The following BDP1 variants were observed in gnomAD, a reference collection of about 807,000 sequenced individuals.
BDP1 encodes the protein transcription factor TFIIIB component B'' homolog.
BDP1 carries 169 observed loss-of-function variants against 266.6 expected under a neutral mutation model. The observed-to-expected ratio is 0.63, with a 90% confidence interval of 0.56 to 0.72. The LOEUF (loss-of-function observed/expected upper bound fraction) is 0.72. Ranked by LOEUF, BDP1 falls within the 30% of genes least tolerant of loss-of-function variation. BDP1 has a pLI of 0.00. For missense variants in BDP1, 3,015 were observed against 3,053.8 expected (o/e 0.99, Z 0.30); for synonymous variants, 1,090 against 1,022.4 (o/e 1.07, Z -1.26).
intron 7 of BDP1, among the ~76,000 whole-genome samples, chr5:71,473,161 AG>A (rs1420949168): frequency 6.6e-6 from 1 of 150,870 alleles, no homozygotes; most frequent in Non-Finnish European, 1.5e-5. Context: ...CTGGAATGAC[AG>A]GTGTGAGCCA....
rs1239784379 is a variant in BDP1 at position 71,509,533 on chromosome 5, C to G, written c.2441C>G (p.Pro814Arg). The G allele has an allele frequency of 1.2e-6, 2 of 1,609,778 alleles. No individual in the cohort carries two copies. The highest frequency in any genetic ancestry group is 2.2e-5 in the South Asian group (2 of 90,072). ...VPILRTRFQK[P>R]KPNIGRGTGR... Reference sequence around the variant, plus strand: ...ATTCTAAGGACTCGATTTCAGAAACCAAAGCCAAATATAGGAAGAGGAACT... The same window carrying G: ...ATTCTAAGGACTCGATTTCAGAAACGAAAGCCAAATATAGGAAGAGGAACT... Residue 814 changes from proline (P) to arginine (R), a missense_variant, in exon 17 of 39, where the codon CCA becomes CGA. Pro to Arg is a moderately radical substitution (Grantham distance 103). Around this residue, in one of 3 missense-constraint regions of BDP1, gnomAD observed 2,383 missense variants for 2,404.9 expected, o/e 0.99. Coordinates refer to ENST00000358731, the MANE Select transcript of BDP1 (RefSeq NM_018429.3).
intron 13 of BDP1, 36 bp downstream of exon 13, chr5:71,497,462 T>C: frequency 2.6e-6 from 4 of 1,538,454 alleles, no homozygotes; most frequent in Non-Finnish European, 3.5e-6. Context: ...ATTAAAATTA[T>C]AAAAATTTTC....
At chr5:71,577,980 C>T in the BDP1 span, among the ~76,000 whole-genome samples, 2 of 152,164 alleles carry the variant, frequency 1.3e-5, no homozygotes, top group South Asian at 4.1e-4. Context: ...CTGGAGGCTA[C>T]ATGATCAAAC....
chr5:71,507,915 T>C (rs1002722792), intron 16 of BDP1, among the ~76,000 whole-genome samples: 1 of 152,214 alleles, frequency 6.6e-6, no homozygotes, highest in African/African-American at 2.4e-5. Context: ...TGAGGAAGGA[T>C]AGTATAGGAC....
Position 71,566,505 on chromosome 5 carries a change from C to A in BDP1, c.*1620C>A, listed in dbSNP as rs1401344202. On this transcript the variant is annotated 3_prime_UTR_variant, in exon 39 of 39. Transcript: ENST00000358731. ...TAGACTTCTCAAACAGCAAATTTAT[C>A]CTGATTTTATTTGAAAAGCCTCTTG... The A allele has an allele frequency of 6.6e-6, 1 of 152,072 alleles. No individual in the cohort carries two copies. Among genetic ancestry groups the A allele is most frequent in the Non-Finnish European group, 1.5e-5 (1 of 68,026 alleles). 9.4% of individuals were successfully genotyped at this position (152,072 alleles called of 1,614,324 possible).
rs1032246103 is a variant in BDP1 at position 71,509,948 on chromosome 5, A to T, written c.2856A>T (p.Glu952Asp). The T allele has an allele frequency of 1.2e-6, 2 of 1,613,936 alleles. No homozygotes were observed. The highest frequency in any genetic ancestry group is 4.5e-5 in the East Asian group (2 of 44,874). The change falls in exon 17 of 39, where the codon GAA becomes GAT. Residue 952 changes from glutamate to aspartate, a missense_variant. By Grantham distance (45) the Glu-to-Asp change is conservative (BLOSUM62 2). This residue lies in a region of BDP1 where 2,383 missense variants were observed against 2,404.9 expected (regional missense o/e 0.99). Coordinates refer to ENST00000358731, the MANE Select transcript of BDP1 (RefSeq NM_018429.3). ...NGPEEVKPLG[E>D]VETDLKATGN... ...CAGAGGAGGTTAAGCCTCTAGGTGA[A>T]GTGGAGACAGATTTGAAAGCAACTG...
chr5:71,487,870 A>G (rs1580051244), intron 9 of BDP1, among the ~76,000 whole-genome samples: 1 of 152,244 alleles, frequency 6.6e-6, no homozygotes, highest in African/African-American at 2.4e-5. Context: ...ATTCTGAGAC[A>G]TGGCCCAAGG....
At chr5:71,523,795 TCACAG>T in intron 24 of BDP1, 139 bp from the exon 25 acceptor site, 1 of 777,388 alleles carries the variant, frequency 1.3e-6, no homozygotes, top group Non-Finnish European at 2.0e-6. Context: ...TTTTTTATTT[TCACAG>T]CATAAGATTT....
rs773437852 is a variant in BDP1, at chr5:71,458,875, A to T, written c.489+20A>T. 8.8e-6 allele frequency: 14 copies of T among 1,590,646 alleles called. No individual in the cohort carries two copies. The East Asian group carries it at 2.9e-4, about 33-fold the overall frequency. ...GAGAAGGTAAGGGAGGAGAATCAGGATTTTGATGTTGCCTTCTATTTATGT... is the reference window on the plus strand; with the variant it reads ...GAGAAGGTAAGGGAGGAGAATCAGGTTTTTGATGTTGCCTTCTATTTATGT... On this transcript the variant is annotated intron_variant, in intron 2 of 38. Coordinates refer to ENST00000358731, the MANE Select transcript of BDP1 (RefSeq NM_018429.3).
At chr5:71,557,808 G>T (rs1163120213) in intron 36 of BDP1, among the ~76,000 whole-genome samples, 2 of 152,124 alleles carry the variant, frequency 1.3e-5, no homozygotes, top group Non-Finnish European at 2.9e-5. Context: ...AAAGTACTGG[G>T]ATTATAAGCA....
intron 38 of BDP1, 146 bp from the exon 39 acceptor site, chr5:71,564,608 T>C: frequency 6.1e-6 from 4 of 657,638 alleles, no homozygotes; most frequent in Non-Finnish European, 9.6e-6. Flanking sequence ...GGTCAGTGAT[T>C]GTGAACATAT....
chr5:71,506,721 G>C (rs575898490), intron 16 of BDP1, among the ~76,000 whole-genome samples: 2 of 147,712 alleles, frequency 1.4e-5, no homozygotes, highest in African/African-American at 5.1e-5. Context: ...TAAGTTTTTT[G>C]TCATGATTGG....
rs1761119999 is a variant in BDP1, at chr5:71,455,688, T to C, written c.-190T>C. Reference sequence around the variant, plus strand: ...TAGCCATCGGTGTGTGGCAGGGTCATGAAAAAGCGGCGGCGGCGGGAGAGA... The same window carrying C: ...TAGCCATCGGTGTGTGGCAGGGTCACGAAAAAGCGGCGGCGGCGGGAGAGA... On this transcript the variant is annotated 5_prime_UTR_variant, in exon 1 of 39. The change abolishes an upstream ATG in the 5' untranslated region. Coordinates refer to ENST00000358731, the MANE Select transcript of BDP1 (RefSeq NM_018429.3). The C allele has an allele frequency of 1.6e-6, 1 of 606,596 alleles. No homozygotes were observed. Among genetic ancestry groups the C allele is most frequent in the Non-Finnish European group, 2.9e-6 (1 of 342,492 alleles). The allele number at this position is 606,596 out of a possible 1,614,324, so 37.6% of individuals were successfully genotyped here. A position where few individuals can be genotyped will look rare whatever the true frequency, so the allele number is the denominator to read the frequency against.
chr5:71,538,933 C>G (rs1766795325), intron 26 of BDP1, 109 bp from the exon 27 acceptor site: 2 of 726,352 alleles, frequency 2.8e-6, no homozygotes, highest in African/African-American at 1.8e-5. Flanking sequence ...CCAGTTTACA[C>G]TATTGTAGCT....
intron 6 of BDP1, among the ~76,000 whole-genome samples, chr5:71,469,169 C>T (rs1762087989): frequency 6.6e-6 from 1 of 151,690 alleles, no homozygotes; most frequent in African/African-American, 2.4e-5. Context: ...GACCGAGTCT[C>T]ACTCTGTCAC....
chr5:71,474,216 G>A (rs574376915), intron 7 of BDP1, among the ~76,000 whole-genome samples: 5 of 151,954 alleles, frequency 3.3e-5, no homozygotes, highest in South Asian at 4.2e-4. Flanking sequence ...TCCTGACCTC[G>A]TGATCCTCCT....
intron 7 of BDP1, among the ~76,000 whole-genome samples, chr5:71,474,197 G>T (rs1380161602): frequency 6.6e-6 from 1 of 151,642 alleles, no homozygotes; most frequent in Non-Finnish European, 1.5e-5. Flanking sequence ...AGCCAGGGTG[G>T]TCTCGATCTC....
intron 7 of BDP1, among the ~76,000 whole-genome samples, chr5:71,482,334 C>G (rs931466856): frequency 1.3e-5 from 2 of 152,188 alleles, no homozygotes; most frequent in Non-Finnish European, 2.9e-5. Flanking sequence ...AGGCAGAGAG[C>G]CAAGGTAAAC....
In BDP1 at chr5:71,510,404, C is replaced by T. The variant is rs755809398; in HGVS notation, c.3312C>T (p.Gly1104=). 9.3e-6 allele frequency: 15 copies of T among 1,612,144 alleles called. No homozygotes were observed. The Admixed American group carries it at 2.0e-4, about 22-fold the overall frequency. ...GAGAAATATCCCCACAGGAAAATGGCCTAGAGGAGGTTAAGCCTCTAGGTG... is the reference window on the plus strand; with the variant it reads ...GAGAAATATCCCCACAGGAAAATGGTCTAGAGGAGGTTAAGCCTCTAGGTG... The part of the protein sequence containing the change: ...TEREISPQEN[G]LEEVKPLGEM... The change falls in exon 17 of 39, where the codon GGC becomes GGT. Residue 1104 remains glycine, a synonymous_variant. Transcript: ENST00000358731.
Sources: allele counts gnomAD v4.1 joint callset (sites outside exome capture counted in the v4.1 genomes callset), GRCh38; gene constraint gnomAD v4.1.1; regional missense constraint gnomAD v4.1.1; transcripts MANE v1.5; gene names NCBI Gene and HGNC (gene_info 2026-07-23, HGNC 2026-07-21).